UBE2E2: variants seen among roughly 807,000 people sequenced by gnomAD.
UBE2E2 encodes ubiquitin conjugating enzyme E2 E2.
In UBE2E2, 6 loss-of-function variants were observed where a neutral mutation model predicts 24.7. The observed-to-expected ratio is 0.24, with a 90% CI of 0.13 to 0.48. The LOEUF (loss-of-function observed/expected upper bound fraction) is 0.48, where lower values mean the gene tolerates loss of function less well. Among genes scored for constraint, UBE2E2 ranks in the 20% least tolerant of loss-of-function variants. The pLI is 0.99. For synonymous variants in UBE2E2, 104 were observed against 83.6 expected (o/e 1.24, Z -1.33); for missense variants, 169 against 245.0 (o/e 0.69, Z 2.07).
intron 3 of UBE2E2, among the ~76,000 whole-genome samples, chr3:23,241,007 G>C (rs1393133782): frequency 6.6e-6 from 1 of 152,054 alleles, no homozygotes; most frequent in Non-Finnish European, 1.5e-5. Context: ...AGCTTCTGTG[G>C]ATAACTGTTT....
At chr3:23,296,320 TTA>T (rs1698906843) in intron 3 of UBE2E2, among the ~76,000 whole-genome samples, 1 of 152,208 alleles carries the variant, frequency 6.6e-6, no homozygotes, top group Non-Finnish European at 1.5e-5. Flanking sequence ...TTTTTAAATT[TTA>T]TTATTATTGT....
At chr3:23,408,108 G>A (rs897286180) in intron 3 of UBE2E2, among the ~76,000 whole-genome samples, 3 of 152,110 alleles carry the variant, frequency 2.0e-5, no homozygotes, top group Non-Finnish European at 4.4e-5. Context: ...AGAAAAGTAA[G>A]CTGTGTCTAA....
At chr3:23,494,579 T>C (rs1007091454) in intron 3 of UBE2E2, among the ~76,000 whole-genome samples, 63 of 152,266 alleles carry the variant, frequency 4.1e-4, no homozygotes, top group Middle Eastern at 6.8e-3. Context: ...CTGGTACATA[T>C]CCAAATAGGA....
intron 5 of UBE2E2, among the ~76,000 whole-genome samples, chr3:23,560,656 T>C (rs1343914945): frequency 1.3e-5 from 2 of 152,112 alleles, no homozygotes; most frequent in Non-Finnish European, 2.9e-5. Flanking sequence ...ACTTCCACAA[T>C]GGTTGAACTA....
intron 3 of UBE2E2, among the ~76,000 whole-genome samples, chr3:23,429,195 G>A (rs535238439): frequency 5.9e-5 from 9 of 152,178 alleles, no homozygotes; most frequent in Admixed American, 5.9e-4. Context: ...GTTCATAAGT[G>A]AATTCTGTAC....
intron 3 of UBE2E2, among the ~76,000 whole-genome samples, chr3:23,228,701 T>G (rs539685326): frequency 6.6e-6 from 1 of 152,350 alleles, no homozygotes; most frequent in South Asian, 2.1e-4. Context: ...ACTGTCTACA[T>G]TCTTCAGAAT....
intron 3 of UBE2E2, among the ~76,000 whole-genome samples, chr3:23,378,834 T>C (rs1428844577): frequency 2.6e-5 from 4 of 152,236 alleles, no homozygotes; most frequent in Non-Finnish European, 5.9e-5. Context: ...GTATAGTTGA[T>C]ATTTTAACTT....
At chr3:23,571,803 T>A (rs1387993543) in intron 5 of UBE2E2, among the ~76,000 whole-genome samples, 1 of 152,140 alleles carries the variant, frequency 6.6e-6, no homozygotes, top group East Asian at 1.9e-4. Context: ...CTTGGTACCC[T>A]CCCGAAGTGG....
At chr3:23,586,492 C>A (rs930915468) in intron 5 of UBE2E2, among the ~76,000 whole-genome samples, 7 of 151,980 alleles carry the variant, frequency 4.6e-5, no homozygotes, top group African/African-American at 1.7e-4. Context: ...AGTTGGGGGT[C>A]TCAGTGTGTT....
At chr3:23,321,865 C>T (rs1462234872) in intron 3 of UBE2E2, among the ~76,000 whole-genome samples, 1 of 151,644 alleles carries the variant, frequency 6.6e-6, no homozygotes, top group Non-Finnish European at 1.5e-5. Context: ...CCCCTTGAAC[C>T]GTTTTTAAAA....
At chr3:23,223,378 A>C (rs773998524) in intron 3 of UBE2E2, among the ~76,000 whole-genome samples, 4 of 151,936 alleles carry the variant, frequency 2.6e-5, no homozygotes, top group Non-Finnish European at 5.9e-5. Context: ...TTTTGAGTAG[A>C]GATGGGGTTT....
chr3:23,349,862 G>A (rs984837986), intron 3 of UBE2E2, among the ~76,000 whole-genome samples: 9 of 152,216 alleles, frequency 5.9e-5, no homozygotes, highest in African/African-American at 2.2e-4. Flanking sequence ...GTCCCTGTCT[G>A]ACAGCTTTGA....
chr3:23,512,930 AT>A (rs1433264257), intron 4 of UBE2E2, among the ~76,000 whole-genome samples: 3 of 152,020 alleles, frequency 2.0e-5, no homozygotes, highest in Non-Finnish European at 4.4e-5. Flanking sequence ...CCATACATAC[AT>A]ACATACATGC....
At chr3:23,545,637 T>G (rs1321953320) in intron 5 of UBE2E2, among the ~76,000 whole-genome samples, 2 of 152,244 alleles carry the variant, frequency 1.3e-5, no homozygotes, top group African/African-American at 4.8e-5. Context: ...GATCTACCAT[T>G]CAATCCAACA....
chr3:23,357,530 T>G (rs1695992440), intron 3 of UBE2E2, among the ~76,000 whole-genome samples: 1 of 152,136 alleles, frequency 6.6e-6, no homozygotes, highest in Admixed American at 6.6e-5. Context: ...TTTTAAATAA[T>G]CCTACTGTCT....
In UBE2E2 at chr3:23,222,559, A is replaced by G. The variant is rs147775051; in HGVS notation, c.227+5247A>G. On this transcript the variant is annotated intron_variant, in intron 3 of 5. Transcript: ENST00000396703. The stretch of plus-strand genomic sequence containing the variant: ...GGGAAACCCCTTTTACTTGGCTCTC[A>G]TTCTTCTCTTGTCTGCCACCATGTG... Among the ~76,000 whole-genome samples the G allele has an allele frequency of 2.4e-3, 362 of 152,252 alleles. 3 individuals carry two copies. The highest frequency in any genetic ancestry group is 8.3e-3 in the African/African-American group (344 of 41,540).
chr3:23,205,710 A>T (rs1341976336), intron 1 of UBE2E2, among the ~76,000 whole-genome samples: 1 of 152,190 alleles, frequency 6.6e-6, no homozygotes, highest in Non-Finnish European at 1.5e-5. Context: ...AAAAGTGGGA[A>T]TAATTCTTTT....
chr3:23,533,736 T>C (rs918517750), intron 5 of UBE2E2, among the ~76,000 whole-genome samples: 1 of 150,520 alleles, frequency 6.6e-6, no homozygotes, highest in Non-Finnish European at 1.5e-5. Flanking sequence ...GATTCTCCTA[T>C]CTTAGCCCCC....
At chr3:23,409,910 A>G (rs1410184149) in intron 3 of UBE2E2, among the ~76,000 whole-genome samples, 1 of 152,102 alleles carries the variant, frequency 6.6e-6, no homozygotes, top group African/African-American at 2.4e-5. Context: ...TGTGTCTCTG[A>G]TTCCAAATAC....
Sources: allele counts gnomAD v4.1 joint callset (sites outside exome capture counted in the v4.1 genomes callset), GRCh38; gene constraint gnomAD v4.1.1; transcripts MANE v1.5; gene names NCBI Gene and HGNC (gene_info 2026-07-23, HGNC 2026-07-21).